The following CD3E variants were observed in gnomAD, a reference collection of about 807,000 sequenced individuals.
CD3E encodes CD3 epsilon subunit of T-cell receptor complex.
A neutral mutation model predicts 34.7 loss-of-function variants in CD3E; 16 were observed. That is an observed-to-expected ratio of 0.46 (90% confidence interval 0.31 to 0.70). The LOEUF is 0.70. CD3E is among the 30% of genes least tolerant of loss of function. CD3E has a pLI of 0.05. For missense variants in CD3E, 223 were observed against 253.9 expected, an observed-to-expected ratio of 0.88 and a Z score of 0.83; for synonymous variants, 70 against 90.8, an observed-to-expected ratio of 0.77 and a Z score of 1.30.
chr11:118,313,019 G>A (rs972290467), intron 6 of CD3E, 153 bp downstream of exon 6: 73 of 825,708 alleles, frequency 8.8e-5, no homozygotes, highest in South Asian at 7.6e-4. Context: ...GGTACCACAC[G>A]GCATCAGTGT....
In CD3E at chr11:118,313,757, A is replaced by G. The variant is rs202201983; in HGVS notation, c.403A>G (p.Ile135Val). 2 of 1,614,094 alleles carry G rather than the reference A, an allele frequency of 1.2e-6. No individual in the cohort carries two copies. The highest frequency in any genetic ancestry group is 1.7e-6 in the Non-Finnish European group (2 of 1,180,010). Residue 135 changes from isoleucine to valine, a missense_variant, in exon 7 of 9, where the codon ATA becomes GTA. Coordinates refer to ENST00000361763, the MANE Select transcript of CD3E (RefSeq NM_000733.4). ...MDVMSVATIV[I>V]VDICITGGLL... ...TGTGATGTCGGTGGCCACAATTGTC[A>G]TAGTGGACATCTGCATCACTGGGGG...
chr11:118,314,365 C>G (rs1948153408), intron 7 of CD3E, 83 bp from the exon 8 acceptor site: 1 of 1,149,646 alleles, frequency 8.7e-7, no homozygotes, highest in South Asian at 1.3e-5. Context: ...TTGCCATTCT[C>G]TATCTGGGTC....
intron 4 of CD3E, among the ~76,000 whole-genome samples, chr11:118,310,185 G>A (rs1948128271): frequency 1.3e-5 from 2 of 152,098 alleles, no homozygotes; most frequent in South Asian, 4.1e-4. Flanking sequence ...AGGTAAACTT[G>A]TGCCATGGGG....
At chr11:118,305,400 C>T (rs1948100258) in intron 2 of CD3E, among the ~76,000 whole-genome samples, 1 of 152,200 alleles carries the variant, frequency 6.6e-6, no homozygotes. Flanking sequence ...TATAGCAATT[C>T]ACTATCTTTG....
intron 2 of CD3E, among the ~76,000 whole-genome samples, chr11:118,305,966 T>C (rs1283215499): frequency 2.0e-5 from 3 of 152,340 alleles, no homozygotes; most frequent in East Asian, 1.9e-4. Context: ...GTCTTGAATG[T>C]GCACACAAAT....
At chr11:118,308,607 G>C (rs895571510) in intron 4 of CD3E, among the ~76,000 whole-genome samples, 166 bp downstream of exon 4, 4 of 152,178 alleles carry the variant, frequency 2.6e-5, no homozygotes, top group Non-Finnish European at 2.9e-5. Context: ...GTTGCTAGCT[G>C]TCATGTCAGA....
At chr11:118,306,502 A>C (rs61900904) in intron 2 of CD3E, among the ~76,000 whole-genome samples, 1 of 25,414 alleles carries the variant, frequency 3.9e-5, no homozygotes, top group African/African-American at 8.0e-5. Flanking sequence ...TAAATAAATA[A>C]ATAAATAAAT....
intron 6 of CD3E, chr11:118,313,381 T>A: frequency 2.4e-6 from 1 of 408,532 alleles, no homozygotes; most frequent in Non-Finnish European, 4.6e-6. Flanking sequence ...AACAACTATA[T>A]GGGTTAAGTA....
intron 2 of CD3E, among the ~76,000 whole-genome samples, chr11:118,305,513 A>G (rs1472569639): frequency 6.6e-6 from 1 of 152,234 alleles, no homozygotes; most frequent in Non-Finnish European, 1.5e-5. Context: ...TTGATAAATA[A>G]CCAAGAGCAT....
chr11:118,313,994 G>A (rs781262967), intron 7 of CD3E, 120 bp downstream of exon 7: 71 of 909,300 alleles, frequency 7.8e-5, no homozygotes, highest in Admixed American at 1.4e-4. Flanking sequence ...TCTATGCACA[G>A]CTTCTATTAC....
intron 4 of CD3E, among the ~76,000 whole-genome samples, chr11:118,310,559 A>G (rs1284399163): frequency 6.6e-6 from 1 of 152,150 alleles, no homozygotes; most frequent in African/African-American, 2.4e-5. Flanking sequence ...TGTCTTTGCT[A>G]TTGTGAATAG....
Position 118,304,982 on chromosome 11 carries a change from G to A in CD3E, c.30G>A (p.Leu10=), listed in dbSNP as rs201804714. 5.0e-6 allele frequency: 8 copies of A among 1,613,922 alleles called. No homozygotes were observed. The highest frequency in any genetic ancestry group is 5.9e-6 in the Non-Finnish European group (7 of 1,179,844). MQSGTHWRV[L]GLCLLSVGVW... is the part of the protein sequence containing the mutation. ...AGTCGGGCACTCACTGGAGAGTTCT[G>A]GGCCTCTGCCTCTTATCAGGTGAGT... Residue 10 remains leucine, a synonymous_variant, in exon 2 of 9, where the codon CTG becomes CTA. Transcript: ENST00000361763.
At position 118,305,002 on chromosome 11, in the gene CD3E, G is replaced by C. The variant is rs147435007; in HGVS notation, c.49+1G>C. On this transcript the variant is annotated splice_donor_variant, in intron 2 of 8. Transcript: ENST00000361763. LOFTEE classifies it high-confidence loss of function. ...GTTCTGGGCCTCTGCCTCTTATCAG[G>C]TGAGTAGGATGGAGTGGAAAGGGTG... 3.1e-6 allele frequency: 5 copies of C among 1,613,800 alleles called. No individual in the cohort carries two copies. The highest frequency in any genetic ancestry group is 4.2e-6 in the Non-Finnish European group (5 of 1,179,674).
intron 3 of CD3E, 74 bp from the exon 4 acceptor site, chr11:118,308,353 A>T: frequency 8.8e-7 from 1 of 1,133,682 alleles, no homozygotes; most frequent in Non-Finnish European, 1.3e-6. Flanking sequence ...AAGAGTCCCA[A>T]CCCACGGGAG....
At chr11:118,312,243 TGA>T (rs969460426) in intron 5 of CD3E, 73 bp downstream of exon 5, 6 of 1,265,834 alleles carry the variant, frequency 4.7e-6, no homozygotes, top group Non-Finnish European at 7.0e-6. Context: ...AGGAACTGAT[TGA>T]GAGAGATTAA....
chr11:118,310,182 C>T (rs1279765718), intron 4 of CD3E, among the ~76,000 whole-genome samples: 1 of 152,092 alleles, frequency 6.6e-6, no homozygotes. Context: ...TATAGGTAAA[C>T]TTGTGCCATG....
chr11:118,315,807 T>C lies in CD3E; in HGVS notation c.*265T>C, dbSNP rs1469574007. 1 of 587,776 alleles carries C rather than the reference T, an allele frequency of 1.7e-6. No homozygotes were observed. Among genetic ancestry groups the C allele is most frequent in the Non-Finnish European group, 3.0e-6 (1 of 328,810 alleles). 36.4% of individuals were successfully genotyped at this position (587,776 alleles called of 1,614,324 possible). A position where few individuals can be genotyped will look rare whatever the true frequency, so the allele number is the denominator to read the frequency against. ...CAGCTGGCCTGCCCTCTTGCCAGGA[T>C]ATTTATTTGTGCTATTCACTCCCTT... On this transcript the variant is annotated 3_prime_UTR_variant, in exon 9 of 9. Coordinates refer to ENST00000361763, the MANE Select transcript of CD3E (RefSeq NM_000733.4).
At chr11:118,308,907 T>C (rs1297751490) in intron 4 of CD3E, among the ~76,000 whole-genome samples, 3 of 152,346 alleles carry the variant, frequency 2.0e-5, no homozygotes, top group African/African-American at 2.4e-5. Flanking sequence ...TATGGGTAGA[T>C]ACAGAGTAAA....
chr11:118,311,649 G>T (rs933595345), intron 4 of CD3E, among the ~76,000 whole-genome samples: 8 of 152,208 alleles, frequency 5.3e-5, no homozygotes, highest in Non-Finnish European at 5.9e-5. Flanking sequence ...GTAAGAAATA[G>T]GTAAGTCCAC....
Sources: gnomAD v4.1 joint callset for allele counts (sites outside exome capture counted in the v4.1 genomes callset) on GRCh38, gnomAD v4.1.1 for gene constraint, MANE v1.5 for transcripts, NCBI Gene and HGNC (gene_info 2026-07-23, HGNC 2026-07-21) for gene names.